TACC2: variants seen among roughly 807,000 people sequenced by gnomAD.
TACC2 encodes the protein transforming acidic coiled-coil containing protein 2.
Under a neutral mutation model 227.3 loss-of-function variants are expected in TACC2, and 137 were observed. The observed-to-expected ratio is 0.60, with a 90% CI of 0.52 to 0.69. TACC2 has a LOEUF of 0.69. Ranked by LOEUF, TACC2 falls within the 30% of genes least tolerant of loss-of-function variation. The pLI, the probability that TACC2 is intolerant of heterozygous loss-of-function variation, is 0.00. For missense variants in TACC2, 3,470 were observed against 3,694.4 expected (o/e 0.94, Z 1.57); for synonymous variants, 1,523 against 1,487.5 (o/e 1.02, Z -0.55).
chr10:122,071,013 A>G (rs752148934), intron 3 of TACC2, among the ~76,000 whole-genome samples: 4 of 152,192 alleles, frequency 2.6e-5, no homozygotes, highest in Non-Finnish European at 5.9e-5. Context: ...TAAAAACACC[A>G]CCAGAATCTA....
chr10:122,142,611 C>T (rs538804908), intron 6 of TACC2, among the ~76,000 whole-genome samples: 1 of 152,332 alleles, frequency 6.6e-6, no homozygotes, highest in South Asian at 2.1e-4. Context: ...TCTGGGAGCT[C>T]CCTGGAGGTG....
chr10:122,170,517 G>T (rs1393021194), intron 7 of TACC2, among the ~76,000 whole-genome samples: 1 of 152,012 alleles, frequency 6.6e-6, no homozygotes, highest in East Asian at 1.9e-4. Flanking sequence ...GGCCAGGCTG[G>T]TCTCGAACTC....
chr10:122,218,040 GTTCAAGCGA>G (rs2095446713), intron 11 of TACC2, among the ~76,000 whole-genome samples: 1 of 152,048 alleles, frequency 6.6e-6, no homozygotes, highest in African/African-American at 2.4e-5. Flanking sequence ...CGCCTCCTGG[GTTCAAGCGA>G]TTCTCCTGCC....
intron 7 of TACC2, among the ~76,000 whole-genome samples, chr10:122,153,234 G>A (rs577901226): frequency 1.3e-5 from 2 of 152,260 alleles, no homozygotes; most frequent in African/African-American, 4.8e-5. Context: ...GACATCAGGT[G>A]ATCCTCTCGC....
At position 122,209,060 on chromosome 10, in the gene TACC2, A is replaced by G. The variant is rs759412967; in HGVS notation, c.5972-1337A>G. Among the ~76,000 whole-genome samples, 14 of 152,192 alleles carry G rather than the reference A, an allele frequency of 9.2e-5. No homozygotes were observed. Among genetic ancestry groups the G allele is most frequent in the Non-Finnish European group, 1.5e-4 (10 of 68,040 alleles). ...CACCTTTGAGCATCATTTGGCCAAC[A>G]TTTGCAGCATCTGCAGCATGTTTGG... On this transcript the variant is annotated intron_variant, in intron 8 of 22. Transcript: ENST00000369005. The surrounding 1 kb of genome is among the most constrained non-coding windows in gnomAD (Gnocchi z 4.5).
At chr10:122,135,624 G>A (rs1239330317) in intron 6 of TACC2, among the ~76,000 whole-genome samples, 1 of 152,194 alleles carries the variant, frequency 6.6e-6, no homozygotes, top group Non-Finnish European at 1.5e-5. Context: ...TCTGACTTTG[G>A]TCACCAGATG....
chr10:122,195,822 T>G (rs968850253), intron 8 of TACC2, among the ~76,000 whole-genome samples: 2 of 152,172 alleles, frequency 1.3e-5, no homozygotes, highest in African/African-American at 2.4e-5. Flanking sequence ...ACATGGAAGA[T>G]TCACAGGAGA....
intron 2 of TACC2, chr10:122,023,140 C>T (rs1430731894): frequency 1.3e-5 from 2 of 152,274 alleles, no homozygotes; most frequent in Middle Eastern, 3.4e-3. Flanking sequence ...AGCAGTTCTC[C>T]TGCCTCAGCC....
At chr10:122,149,731 G>T (rs375062529) in intron 7 of TACC2, among the ~76,000 whole-genome samples, 25 of 152,386 alleles carry the variant, frequency 1.6e-4, no homozygotes, top group African/African-American at 5.8e-4. Context: ...GGGTGCAGAT[G>T]AGCCTCTCTG....
At chr10:122,217,931 C>T (rs918787875) in intron 11 of TACC2, among the ~76,000 whole-genome samples, 7 of 151,940 alleles carry the variant, frequency 4.6e-5, no homozygotes, top group Non-Finnish European at 7.4e-5. Flanking sequence ...TTTCCTTTCT[C>T]GATTTCTAAC....
rs1401648641 is a variant in TACC2 at position 122,067,786 on chromosome 10, G to A, written c.147-14861G>A. 5.3e-5 allele frequency among the ~76,000 whole-genome samples: 8 copies of A among 152,294 alleles called. No individual in the cohort carries two copies. The East Asian group carries it at 9.7e-4, about 18-fold the overall frequency. On this transcript the variant is annotated intron_variant, in intron 3 of 22. Transcript: ENST00000369005. ...CTCCCAAAATGCTGGGATTATAGGC[G>A]TGAGCCACTGCCCTGAACACCGGCC...
At chr10:122,249,294 C>T (rs2096201911) in intron 21 of TACC2, 138 bp downstream of exon 21, 13 of 737,524 alleles carry the variant, frequency 1.8e-5, no homozygotes, top group African/African-American at 5.3e-5. Context: ...CAATAAGACT[C>T]GAGAGAAGGC....
intron 5 of TACC2, among the ~76,000 whole-genome samples, chr10:122,111,304 C>T (rs914728793): frequency 1.4e-4 from 21 of 152,210 alleles, no homozygotes; most frequent in African/African-American, 4.8e-4. Flanking sequence ...CAGTAGATTT[C>T]GAAACAGAGT....
At chr10:122,069,655 GTTT>G (rs1263257423) in intron 3 of TACC2, among the ~76,000 whole-genome samples, 1 of 152,058 alleles carries the variant, frequency 6.6e-6, no homozygotes, top group Non-Finnish European at 1.5e-5. Context: ...CTCATATGAC[GTTT>G]TCCAACCTAG....
intron 2 of TACC2, among the ~76,000 whole-genome samples, chr10:122,047,527 G>A (rs538989875): frequency 3.3e-5 from 5 of 152,216 alleles, no homozygotes; most frequent in East Asian, 3.9e-4. Flanking sequence ...GCCCCCTCTC[G>A]TGTGAGGAAC....
chr10:122,177,085 A>G lies in TACC2; in HGVS notation c.5835-17955A>G, dbSNP rs117459573. On this transcript the variant is annotated intron_variant, in intron 7 of 22. Transcript: ENST00000369005. ...ACTAATGTAGATTTTCTTGATGGAT[A>G]TCATTGTGTTTTACAAAAGGGCAGC... 7.1e-4 allele frequency among the ~76,000 whole-genome samples: 108 copies of G among 152,318 alleles called. 1 individual carries two copies. The East Asian group carries it at 0.02, about 28-fold the overall frequency.
In TACC2 at chr10:122,229,400, C is replaced by A. The variant is rs748310126; in HGVS notation, c.7951C>A (p.His2651Asn). The A allele has an allele frequency of 1.2e-6, 2 of 1,613,936 alleles. No individual in the cohort carries two copies. The highest frequency in any genetic ancestry group is 1.7e-6 in the Non-Finnish European group (2 of 1,180,038). Residue 2651 changes from histidine (H) to asparagine (N), a missense_variant, in exon 15 of 23, where the codon CAC becomes AAC. By Grantham distance (68) the His-to-Asn change is moderately conservative. Transcript: ENST00000369005. ...TGACGCCCTCCTCAGCAGGCTAGCT[C>A]ACCCCGTCTCTCTCTGTGGTGCACT... Reference protein sequence around the residue: ...SADALLSRLAHPVSLCGALDY... With the variant: ...SADALLSRLANPVSLCGALDY...
intron 1 of TACC2, among the ~76,000 whole-genome samples, chr10:122,017,952 A>T (rs1171131504): frequency 1.5e-5 from 2 of 136,720 alleles, no homozygotes; most frequent in Non-Finnish European, 3.2e-5. Flanking sequence ...TGGTAGTGGA[A>T]TTCTTTTTTT....
At chr10:122,101,723 C>CGTTTTTTTTTTTT in intron 5 of TACC2, among the ~76,000 whole-genome samples, 1 of 55,726 alleles carries the variant, frequency 1.8e-5, no homozygotes, top group Non-Finnish European at 3.0e-5. Context: ...CCATGCCCAG[C>CGTTTTTTTTTTTT]TTTTTTTTTT....
Sources: gnomAD v4.1 joint callset for allele counts (sites outside exome capture counted in the v4.1 genomes callset) on GRCh38, gnomAD v4.1.1 for gene constraint, Gnocchi (gnomAD v3.1) non-coding constraint, MANE v1.5 for transcripts, NCBI Gene and HGNC (gene_info 2026-07-23, HGNC 2026-07-21) for gene names.